CHRM5: variants seen among roughly 807,000 people sequenced by gnomAD.
CHRM5 encodes the protein muscarinic acetylcholine receptor M5.
A neutral mutation model predicts 39.0 loss-of-function variants in CHRM5; 18 were observed. The observed-to-expected ratio is 0.46, with a 90% CI of 0.32 to 0.68. The LOEUF is 0.68. Among genes scored for constraint, CHRM5 ranks in the 30% least tolerant of loss-of-function variants. The pLI, the probability that CHRM5 is intolerant of heterozygous loss-of-function variation, is 0.04. For missense variants in CHRM5, 515 were observed against 651.1 expected, an observed-to-expected ratio of 0.79 and a Z score of 2.28; for synonymous variants, 241 against 246.3, an observed-to-expected ratio of 0.98 and a Z score of 0.20.
rs762280733 is a variant in CHRM5 at position 34,063,684 on chromosome 15, G to C, written c.967G>C (p.Val323Leu). The change falls in exon 3 of 3, where the codon GTG (valine) becomes CTG (leucine). Residue 323 changes from valine (V) to leucine (L), a missense_variant. Physicochemically the swap from Val to Leu is conservative, Grantham distance 32. Transcript: ENST00000383263. This position sits in a 1 kb window ranked among gnomAD's most constrained non-coding sequence, Gnocchi z 4.1. ...DKPATDPVLQVVYKSQGKESP... is the reference protein window; with the variant it reads ...DKPATDPVLQLVYKSQGKESP... ...GCCCGCCACTGACCCTGTCCTCCAA[G>C]TGGTCTACAAGAGTCAGGGTAAGGA... The C allele has an allele frequency of 1.9e-6, 3 of 1,614,198 alleles. No homozygotes were observed. Among genetic ancestry groups the C allele is most frequent in the Non-Finnish European group, 8.5e-7 (1 of 1,180,046 alleles).
intron 2 of CHRM5, among the ~76,000 whole-genome samples, chr15:34,047,903 C>T (rs1305801546): frequency 6.6e-6 from 1 of 152,170 alleles, no homozygotes. Flanking sequence ...GAGGGGCTCT[C>T]CACACCAGAT....
intron 1 of CHRM5, among the ~76,000 whole-genome samples, chr15:34,030,986 C>T (rs1898760699): frequency 1.3e-5 from 2 of 151,976 alleles, no homozygotes; most frequent in African/African-American, 4.8e-5. Flanking sequence ...TACAGAAATC[C>T]AAAATAGATG....
In CHRM5 at chr15:34,066,640, C is replaced by G. The variant is rs1402714020; in HGVS notation, c.*2324C>G. The G allele has an allele frequency of 1.3e-5, 2 of 151,976 alleles. No individual in the cohort carries two copies. The highest frequency in any genetic ancestry group is 2.9e-5 in the Non-Finnish European group (2 of 68,038). 9.4% of individuals were successfully genotyped at this position (151,976 alleles called of 1,614,324 possible). A position where few individuals can be genotyped will look rare whatever the true frequency, so the allele number is the denominator to read the frequency against. On this transcript the variant is annotated 3_prime_UTR_variant, in exon 3 of 3. Coordinates refer to ENST00000383263, the MANE Select transcript of CHRM5 (RefSeq NM_012125.4). ...GCAACATAGGGAGACCCTGTCTCTA[C>G]AAAAAAAATTTTAAATACCTGGGCA...
At chr15:34,046,894 CG>C in intron 2 of CHRM5, 23 bp downstream of exon 2, 1 of 152,400 alleles carries the variant, frequency 6.6e-6, no homozygotes, top group Non-Finnish European at 1.5e-5. Flanking sequence ...GCGACCCCAC[CG>C]GGGAAACCAC....
chr15:34,051,602 TAAA>T lies in CHRM5; in HGVS notation c.-76+4732_-76+4734del, dbSNP rs575254918. On this transcript the variant is annotated intron_variant, in intron 2 of 2. Coordinates refer to ENST00000383263, the MANE Select transcript of CHRM5 (RefSeq NM_012125.4). ...ATAGATAAACCACTAATTAGACTAATAAAGAAGAAAAGAGAGAAGAATCAAATA... is the reference window on the plus strand; with the variant it reads ...ATAGATAAACCACTAATTAGACTAATGAAGAAAAGAGAGAAGAATCAAATA... Among the ~76,000 whole-genome samples the T allele has an allele frequency of 8.6e-3, 1,249 of 144,842 alleles. 5 individuals carry two copies. The highest frequency in any genetic ancestry group is 0.014 in the Non-Finnish European group (910 of 67,078).
At chr15:34,039,911 T>C (rs933883069) in intron 1 of CHRM5, among the ~76,000 whole-genome samples, 12 of 152,288 alleles carry the variant, frequency 7.9e-5, no homozygotes, top group African/African-American at 2.9e-4. Context: ...TCCAGTCCCT[T>C]CTTTCAACCA....
intron 1 of CHRM5, among the ~76,000 whole-genome samples, chr15:34,004,020 T>C (rs1455143265): frequency 2.0e-5 from 3 of 152,212 alleles, no homozygotes; most frequent in Non-Finnish European, 4.4e-5. Flanking sequence ...CCCTCTCAGG[T>C]ACTCTCTTAG....
intron 1 of CHRM5, among the ~76,000 whole-genome samples, chr15:33,997,992 G>A (rs1000977149): frequency 6.6e-6 from 1 of 151,960 alleles, no homozygotes; most frequent in East Asian, 1.9e-4. Context: ...CCACTTCCTT[G>A]ACAACTATTT....
intron 1 of CHRM5, among the ~76,000 whole-genome samples, chr15:34,008,043 T>G (rs921524494): frequency 2.0e-5 from 3 of 152,140 alleles, no homozygotes; most frequent in African/African-American, 7.2e-5. Context: ...AAGATCACAC[T>G]CAGAGGTACT....
intron 1 of CHRM5, among the ~76,000 whole-genome samples, chr15:34,040,265 G>C (rs1197470747): frequency 6.6e-6 from 1 of 152,174 alleles, no homozygotes; most frequent in Non-Finnish European, 1.5e-5. Context: ...CCGTGTTGCT[G>C]AGTGCAGTGA....
intron 2 of CHRM5, among the ~76,000 whole-genome samples, chr15:34,048,972 G>A (rs560115412): frequency 4.6e-5 from 7 of 152,292 alleles, no homozygotes; most frequent in African/African-American, 1.7e-4. Context: ...TGGAAGAGTT[G>A]TCTGACTGTT....
intron 1 of CHRM5, among the ~76,000 whole-genome samples, chr15:34,017,473 A>ATTTTT (rs200988059): frequency 1.6e-4 from 16 of 101,474 alleles, no homozygotes; most frequent in Non-Finnish European, 2.2e-4. Flanking sequence ...TTTCAGTATG[A>ATTTTT]TTTTTTTTTT....
chr15:34,057,394 G>A (rs1007524461), intron 2 of CHRM5, among the ~76,000 whole-genome samples: 2 of 151,274 alleles, frequency 1.3e-5, no homozygotes, highest in African/African-American at 4.9e-5. Context: ...CACCCACCTC[G>A]GCTTCCCAAA....
chr15:34,046,689 T>G lies in CHRM5; in HGVS notation c.-258T>G, dbSNP rs78336798. 1 of 152,220 alleles carries G rather than the reference T, an allele frequency of 6.6e-6. No homozygotes were observed. Among genetic ancestry groups the G allele is most frequent in the Non-Finnish European group, 1.5e-5 (1 of 68,054 alleles). 9.4% of individuals were successfully genotyped at this position (152,220 alleles called of 1,614,324 possible). ...AAGCAGCGGCAGCCCGCAGCTCTCA[T>G]GCAAAGGAATGAAAGGTGTGAGTGA... On this transcript the variant is annotated 5_prime_UTR_variant, in exon 2 of 3. It removes an upstream start codon present in the reference 5' UTR. Transcript: ENST00000383263.
rs150054518 is a variant in CHRM5, at chr15:33,990,249, G to C, written c.-408+21099G>C. Among the ~76,000 whole-genome samples, 50 of 152,050 alleles carry C rather than the reference G, an allele frequency of 3.3e-4. 1 individual carries two copies. In the East Asian group the frequency reaches 9.1e-3, roughly 28 times the overall value. ...AAAAAAAACTTAGCCAGGCGTTGAG[G>C]TGCGTGCCTATAGTCCCAGCTACTC... On this transcript the variant is annotated intron_variant, in intron 1 of 2. Coordinates refer to ENST00000383263, the MANE Select transcript of CHRM5 (RefSeq NM_012125.4).
At chr15:34,025,758 G>A (rs192422357) in intron 1 of CHRM5, among the ~76,000 whole-genome samples, 29 of 150,324 alleles carry the variant, frequency 1.9e-4, no homozygotes, top group African/African-American at 6.8e-4. Context: ...TTGGTTTTGC[G>A]TGTGTGTGTG....
At chr15:34,000,927 C>T (rs1292862198) in intron 1 of CHRM5, among the ~76,000 whole-genome samples, 1 of 151,904 alleles carries the variant, frequency 6.6e-6, no homozygotes, top group African/African-American at 2.4e-5. Context: ...ATGAGAGACT[C>T]AATCCATGCC....
At chr15:33,982,298 G>A (rs1896187114) in intron 1 of CHRM5, among the ~76,000 whole-genome samples, 1 of 152,054 alleles carries the variant, frequency 6.6e-6, no homozygotes, top group African/African-American at 2.4e-5. Flanking sequence ...TTTTTCAGCA[G>A]TGCTGCCTTC....
At chr15:34,004,971 T>C (rs1251617606) in intron 1 of CHRM5, among the ~76,000 whole-genome samples, 2 of 146,238 alleles carry the variant, frequency 1.4e-5, no homozygotes, top group Non-Finnish European at 3.1e-5. Context: ...AGTGTGGACT[T>C]AAAAAAAATA....
Sources: allele counts gnomAD v4.1 joint callset (sites outside exome capture counted in the v4.1 genomes callset), GRCh38; gene constraint gnomAD v4.1.1; non-coding constraint Gnocchi (gnomAD v3.1); transcripts MANE v1.5; gene names NCBI Gene and HGNC (gene_info 2026-07-23, HGNC 2026-07-21).